B3GALT1: variants seen among roughly 807,000 people sequenced by gnomAD.
B3GALT1 encodes the protein UDP-Gal:betaGlcNAc beta 1,3-galactosyltransferase, polypeptide 1.
Under a neutral mutation model 23.2 loss-of-function variants are expected in B3GALT1, and 10 were observed. That is an observed-to-expected ratio of 0.43 (90% CI 0.27 to 0.73). B3GALT1 has a LOEUF of 0.73. Among genes scored for constraint, B3GALT1 ranks in the 30% least tolerant of loss-of-function variants. B3GALT1 has a pLI of 0.21. For synonymous variants in B3GALT1, 156 were observed against 141.5 expected (o/e 1.10, Z -0.73); for missense variants, 299 against 405.4 (o/e 0.74, Z 2.25).
At chr2:167,528,678 C>G (rs1182804963) in intron 2 of B3GALT1, among the ~76,000 whole-genome samples, 1 of 152,166 alleles carries the variant, frequency 6.6e-6, no homozygotes, top group African/African-American at 2.4e-5. Flanking sequence ...ATGCTCTATA[C>G]AGTTTTTTCA....
At chr2:167,516,812 T>C (rs972098742) in intron 2 of B3GALT1, among the ~76,000 whole-genome samples, 2 of 152,018 alleles carry the variant, frequency 1.3e-5, no homozygotes, top group Admixed American at 6.6e-5. Context: ...CATAATGATC[T>C]GATCATACTT....
At chr2:167,772,435 T>TA (rs1574254857) in intron 3 of B3GALT1, among the ~76,000 whole-genome samples, 1 of 152,170 alleles carries the variant, frequency 6.6e-6, no homozygotes, top group African/African-American at 2.4e-5. Context: ...TTAGGTAAAA[T>TA]ATCTGCCTTA....
chr2:167,847,619 G>A (rs775281292), intron 4 of B3GALT1, among the ~76,000 whole-genome samples: 11 of 151,908 alleles, frequency 7.2e-5, no homozygotes, highest in Admixed American at 3.3e-4. Flanking sequence ...AGCCCTAAAC[G>A]CCTACACATC....
intron 4 of B3GALT1, among the ~76,000 whole-genome samples, chr2:167,821,574 A>G (rs1180448440): frequency 6.6e-6 from 1 of 151,384 alleles, no homozygotes; most frequent in Non-Finnish European, 1.5e-5. Flanking sequence ...AGCTGGAATT[A>G]CAGGCATGTG....
chr2:167,337,430 A>G lies in B3GALT1; in HGVS notation c.-511+44096A>G, dbSNP rs562704047. 2.4e-4 allele frequency among the ~76,000 whole-genome samples: 37 copies of G among 152,136 alleles called. No homozygotes were observed. In the South Asian group the frequency reaches 3.3e-3, roughly 14 times the overall value. On this transcript the variant is annotated intron_variant, in intron 1 of 4. Coordinates refer to ENST00000392690, the MANE Select transcript of B3GALT1 (RefSeq NM_020981.4). ...CACACCACAATAAAACTTTTCCCCA[A>G]ATACTTTGGCTTTCTGAGGAAATAT... is the stretch of plus-strand genomic sequence containing the variant.
chr2:167,485,030 C>G (rs1699605535), intron 1 of B3GALT1, among the ~76,000 whole-genome samples: 1 of 151,980 alleles, frequency 6.6e-6, no homozygotes, highest in Non-Finnish European at 1.5e-5. Context: ...GTCAGTTGTG[C>G]CTGAATTCCA....
intron 2 of B3GALT1, among the ~76,000 whole-genome samples, chr2:167,521,615 G>C (rs1373083466): frequency 3.3e-5 from 5 of 151,892 alleles, no homozygotes; most frequent in Admixed American, 6.6e-5. Flanking sequence ...TAAAATGTTT[G>C]AATGTGTACA....
At chr2:167,341,315 A>G (rs1288464208) in intron 1 of B3GALT1, among the ~76,000 whole-genome samples, 1 of 152,206 alleles carries the variant, frequency 6.6e-6, no homozygotes, top group African/African-American at 2.4e-5. Context: ...TGCACTTCAA[A>G]TATTTGTTTG....
At chr2:167,400,920 C>T (rs1244817643) in intron 1 of B3GALT1, among the ~76,000 whole-genome samples, 2 of 152,116 alleles carry the variant, frequency 1.3e-5, no homozygotes, top group Non-Finnish European at 2.9e-5. Context: ...AATTATTATA[C>T]TCAGTCCAAT....
chr2:167,510,380 C>T (rs1258670273), intron 2 of B3GALT1, among the ~76,000 whole-genome samples: 1 of 149,266 alleles, frequency 6.7e-6, no homozygotes, highest in East Asian at 1.9e-4. Context: ...TGGAACCATG[C>T]CTTATAAATT....
intron 1 of B3GALT1, among the ~76,000 whole-genome samples, chr2:167,466,309 C>T (rs187701026): frequency 6.6e-5 from 10 of 152,096 alleles, no homozygotes; most frequent in Admixed American, 1.3e-4. Flanking sequence ...ATGTTATTTA[C>T]GAATATTTCA....
intron 2 of B3GALT1, among the ~76,000 whole-genome samples, chr2:167,530,058 A>G (rs959925266): frequency 5.9e-5 from 9 of 152,146 alleles, no homozygotes; most frequent in Non-Finnish European, 1.3e-4. Flanking sequence ...CACTTCCTAC[A>G]AATCTCCCTG....
chr2:167,513,046 T>G (rs1700050227), intron 2 of B3GALT1, among the ~76,000 whole-genome samples: 1 of 132,924 alleles, frequency 7.5e-6, no homozygotes, highest in South Asian at 2.3e-4. Flanking sequence ...TTCACAACAC[T>G]ATATATGGGG....
intron 3 of B3GALT1, among the ~76,000 whole-genome samples, chr2:167,773,901 A>G (rs1053607627): frequency 6.6e-6 from 1 of 152,234 alleles, no homozygotes; most frequent in African/African-American, 2.4e-5. Flanking sequence ...GACGTAGAGG[A>G]TGGCCAGCCC....
At chr2:167,477,954 C>G (rs1410310888) in intron 1 of B3GALT1, among the ~76,000 whole-genome samples, 1 of 152,118 alleles carries the variant, frequency 6.6e-6, no homozygotes, top group Non-Finnish European at 1.5e-5. Context: ...TTTATTGTTT[C>G]AAACAAGATT....
chr2:167,782,184 C>G (rs1174662767), intron 3 of B3GALT1, among the ~76,000 whole-genome samples: 1 of 152,150 alleles, frequency 6.6e-6, no homozygotes, highest in East Asian at 1.9e-4. Flanking sequence ...GTGGAGTACA[C>G]TAACGGAGAT....
chr2:167,558,150 G>C (rs1422920551), intron 2 of B3GALT1: 2 of 152,286 alleles, frequency 1.3e-5, no homozygotes, highest in Admixed American at 1.3e-4. Context: ...AATGAAGACA[G>C]TGTGTGACAA....
chr2:167,541,783 A>C (rs1683537555), intron 2 of B3GALT1, among the ~76,000 whole-genome samples: 1 of 152,094 alleles, frequency 6.6e-6, no homozygotes, highest in African/African-American at 2.4e-5. Context: ...ACAATTATTT[A>C]ATTCATTATT....
At chr2:167,660,970 T>G (rs764008646) in intron 3 of B3GALT1, among the ~76,000 whole-genome samples, 10 of 152,208 alleles carry the variant, frequency 6.6e-5, no homozygotes, top group African/African-American at 2.4e-4. Flanking sequence ...GAATTGTTGC[T>G]GATAGTTTGG....
Sources: allele counts gnomAD v4.1 joint callset (sites outside exome capture counted in the v4.1 genomes callset), GRCh38; gene constraint gnomAD v4.1.1; transcripts MANE v1.5; gene names NCBI Gene and HGNC (gene_info 2026-07-23, HGNC 2026-07-21).